Variants in SH3GL3 observed in about 807,000 individuals in gnomAD.
SH3GL3 encodes the protein SH3 domain containing GRB2 like 3, endophilin A3, also known as endophilin-A3.
Under a neutral mutation model 47.7 loss-of-function variants are expected in SH3GL3, and 33 were observed. That is an observed-to-expected ratio of 0.69 (90% CI 0.52 to 0.92). SH3GL3 has a LOEUF of 0.92. Among genes scored for constraint, SH3GL3 ranks in the 40% least tolerant of loss-of-function variants. The probability of loss-of-function intolerance (pLI) is 0.00; values close to 1 mark genes in which losing one functional copy is unlikely to be tolerated. For missense variants in SH3GL3, 363 were observed against 417.8 expected (o/e 0.87, Z 1.14); for synonymous variants, 155 against 148.8 (o/e 1.04, Z -0.30).
rs544399505 is a variant in SH3GL3 at position 83,569,474 on chromosome 15, T to C, written c.331+802T>C. On this transcript the variant is annotated intron_variant, in intron 4 of 8. Coordinates refer to ENST00000427482, the MANE Select transcript of SH3GL3 (RefSeq NM_003027.5). ...ATAACCATTTTCATAGGTAAATCTTTGGGGATATCCAAAATTATATTCTTT... is the reference window on the plus strand; with the variant it reads ...ATAACCATTTTCATAGGTAAATCTTCGGGGATATCCAAAATTATATTCTTT... Among the ~76,000 whole-genome samples the C allele has an allele frequency of 6.6e-5, 10 of 152,356 alleles. No homozygotes were observed. The East Asian group carries it at 1.9e-3, about 29-fold the overall frequency.
chr15:83,553,361 G>T (rs2044764609), intron 1 of SH3GL3, among the ~76,000 whole-genome samples: 2 of 152,114 alleles, frequency 1.3e-5, no homozygotes, highest in Admixed American at 1.3e-4. Flanking sequence ...GATGTATATA[G>T]CTAGATTGTT....
At chr15:83,510,001 C>T (rs1246520837) in intron 1 of SH3GL3, among the ~76,000 whole-genome samples, 2 of 151,956 alleles carry the variant, frequency 1.3e-5, no homozygotes, top group African/African-American at 2.4e-5. Flanking sequence ...GTGCTAGATT[C>T]GAAGCGAATA....
chr15:83,483,508 C>G (rs180740860), intron 1 of SH3GL3, among the ~76,000 whole-genome samples: 1 of 152,146 alleles, frequency 6.6e-6, no homozygotes, highest in Non-Finnish European at 1.5e-5. Flanking sequence ...TTAGATAGCA[C>G]GGTCATCATG....
intron 1 of SH3GL3, among the ~76,000 whole-genome samples, chr15:83,543,914 A>C (rs2044283792): frequency 6.6e-6 from 1 of 151,660 alleles, no homozygotes; most frequent in South Asian, 2.1e-4. Context: ...TCTTTTTCTT[A>C]GTCTGGCTAA....
intron 1 of SH3GL3, among the ~76,000 whole-genome samples, chr15:83,492,237 C>T (rs571920847): frequency 2.2e-5 from 3 of 134,156 alleles, no homozygotes; most frequent in South Asian, 2.5e-4. Flanking sequence ...GAGCCAAGAT[C>T]GCCACTGTAC....
At chr15:83,535,448 C>G (rs1191803169) in intron 1 of SH3GL3, among the ~76,000 whole-genome samples, 1 of 152,108 alleles carries the variant, frequency 6.6e-6, no homozygotes, top group African/African-American at 2.4e-5. Context: ...TCGACATTGT[C>G]CTTATCAGGC....
chr15:83,631,481 C>T, the SH3GL3 span, among the ~76,000 whole-genome samples: 4 of 152,212 alleles, frequency 2.6e-5, no homozygotes, highest in African/African-American at 9.6e-5. Context: ...GCCTGGACAG[C>T]CAGGGGTTTC....
At chr15:83,503,028 A>AATAGAACATAATTC (rs2042356842) in intron 1 of SH3GL3, among the ~76,000 whole-genome samples, 1 of 152,154 alleles carries the variant, frequency 6.6e-6, no homozygotes, top group African/African-American at 2.4e-5. Context: ...GAACATAATT[A>AATAGAACATAATTC]CTTTTAATAA....
intron 1 of SH3GL3, among the ~76,000 whole-genome samples, chr15:83,512,404 G>A (rs545651860): frequency 3.5e-4 from 53 of 152,148 alleles, no homozygotes; most frequent in Non-Finnish European, 5.4e-4. Context: ...TTTTCATTTC[G>A]AAACTACTCC....
At chr15:83,579,483 G>A (rs17585667) in intron 6 of SH3GL3, among the ~76,000 whole-genome samples, 16,573 of 152,222 alleles carry the variant, frequency 0.11, 1,088 homozygotes, top group Middle Eastern at 0.19. Flanking sequence ...CAGGCTGCCC[G>A]GGAACTAGGC....
intron 5 of SH3GL3, among the ~76,000 whole-genome samples, chr15:83,576,172 T>G (rs2059671208): frequency 6.6e-6 from 1 of 152,202 alleles, no homozygotes; most frequent in African/African-American, 2.4e-5. Context: ...GTCTACTACT[T>G]AGTCAGGAGT....
intron 8 of SH3GL3, among the ~76,000 whole-genome samples, chr15:83,613,943 C>T (rs909550704): frequency 2.0e-5 from 3 of 152,138 alleles, no homozygotes; most frequent in Non-Finnish European, 2.9e-5. Context: ...GAAATGCTTC[C>T]CGAGACTACC....
intron 8 of SH3GL3, among the ~76,000 whole-genome samples, chr15:83,594,426 C>T (rs2060188852): frequency 6.6e-6 from 1 of 152,110 alleles, no homozygotes; most frequent in Non-Finnish European, 1.5e-5. Context: ...TATACTCCTC[C>T]ACTCTTCTAT....
At chr15:83,462,464 G>C (rs921696050) in intron 1 of SH3GL3, among the ~76,000 whole-genome samples, 2 of 152,158 alleles carry the variant, frequency 1.3e-5, no homozygotes, top group African/African-American at 2.4e-5. Context: ...TATTGTACTA[G>C]TGGGCCCTTT....
intron 8 of SH3GL3, among the ~76,000 whole-genome samples, chr15:83,591,969 G>A (rs1462640553): frequency 6.6e-6 from 1 of 152,084 alleles, no homozygotes; most frequent in Non-Finnish European, 1.5e-5. Context: ...CACCAGGCCG[G>A]GCCATGTGTA....
intron 7 of SH3GL3, 147 bp downstream of exon 7, chr15:83,587,233 T>A (rs536465343): frequency 1.4e-4 from 81 of 569,756 alleles, no homozygotes; most frequent in African/African-American, 1.4e-3. Context: ...CATGGTTGGA[T>A]GTGGGATGGG....
intron 1 of SH3GL3, among the ~76,000 whole-genome samples, chr15:83,482,362 G>T (rs1019379879): frequency 6.6e-6 from 1 of 152,050 alleles, no homozygotes; most frequent in African/African-American, 2.4e-5. Context: ...ATATAAAGTA[G>T]GCTTTACTTT....
chr15:83,529,090 T>C (rs770275741), intron 1 of SH3GL3, among the ~76,000 whole-genome samples: 4 of 152,214 alleles, frequency 2.6e-5, no homozygotes, highest in Non-Finnish European at 4.4e-5. Flanking sequence ...GTGTCTGTGA[T>C]TGTCTCAGTG....
At chr15:83,539,609 T>G (rs1389048309) in intron 1 of SH3GL3, among the ~76,000 whole-genome samples, 2 of 152,230 alleles carry the variant, frequency 1.3e-5, no homozygotes, top group African/African-American at 4.8e-5. Flanking sequence ...TCTTCATGAC[T>G]CATCAGAGTT....
Sources: gnomAD v4.1 joint callset for allele counts (sites outside exome capture counted in the v4.1 genomes callset) on GRCh38, gnomAD v4.1.1 for gene constraint, MANE v1.5 for transcripts, NCBI Gene and HGNC (gene_info 2026-07-23, HGNC 2026-07-21) for gene names.